CEP63: variants seen among roughly 807,000 people sequenced by gnomAD.
CEP63 encodes the protein centrosomal protein of 63 kDa.
CEP63 carries 84 observed loss-of-function variants against 89.1 expected under a neutral mutation model. The ratio of observed to expected loss-of-function variants is 0.94; its 90% confidence interval spans 0.79 to 1.13. The LOEUF is 1.13. Ranked by LOEUF, CEP63 falls within the 50% of genes most tolerant of loss-of-function variation. The probability of loss-of-function intolerance (pLI) is 0.00; values close to 1 mark genes in which losing one functional copy is unlikely to be tolerated. For missense variants in CEP63, 838 were observed against 813.3 expected (o/e 1.03, Z -0.37); for synonymous variants, 267 against 272.5 (o/e 0.98, Z 0.20).
the CEP63 span, among the ~76,000 whole-genome samples, chr3:134,673,407 T>A: frequency 1.3e-5 from 2 of 151,816 alleles, no homozygotes; most frequent in African/African-American, 2.4e-5. Context: ...CCTTTTGGCC[T>A]CTCTTCCTTC....
intron 3 of CEP63, 98 bp from the exon 4 acceptor site, chr3:134,531,747 A>G: frequency 1.1e-6 from 1 of 938,978 alleles, no homozygotes; most frequent in South Asian, 1.4e-5. Context: ...GAGAACTTGA[A>G]TTTACAAATA....
At chr3:134,642,449 G>A in the CEP63 span, among the ~76,000 whole-genome samples, 54 of 152,316 alleles carry the variant, frequency 3.5e-4, no homozygotes, top group African/African-American at 1.0e-3. Context: ...CAAGGTGGGC[G>A]TGAGAGTCTC....
chr3:134,727,925 A>G, the CEP63 span, among the ~76,000 whole-genome samples: 1 of 152,178 alleles, frequency 6.6e-6, no homozygotes, highest in Admixed American at 6.5e-5. Context: ...TTCCCTACAG[A>G]TCTAAAAAAT....
downstream of CEP63, among the ~76,000 whole-genome samples, chr3:134,587,827 A>AC (rs1438679531): frequency 6.1e-5 from 9 of 148,446 alleles, no homozygotes; most frequent in East Asian, 9.9e-4. Flanking sequence ...CTTGGAATGG[A>AC]CCCCCCTATA....
chr3:134,743,001 C>T, the CEP63 span, among the ~76,000 whole-genome samples: 1 of 152,362 alleles, frequency 6.6e-6, no homozygotes, highest in African/African-American at 2.4e-5. Context: ...GTCTCTGTCC[C>T]TCCTAGAACA....
At chr3:134,610,702 G>T in the CEP63 span, 1 of 236,766 alleles carries the variant, frequency 4.2e-6, no homozygotes, top group East Asian at 8.4e-5. Flanking sequence ...CGCTCCTCAA[G>T]CAGCTCTTCA....
At chr3:134,650,934 A>G in the CEP63 span, 5 of 1,613,308 alleles carry the variant, frequency 3.1e-6, no homozygotes, top group Non-Finnish European at 4.2e-6. Context: ...CGATAGATAC[A>G]GCGTTGATGT....
the CEP63 span, chr3:134,651,695 A>G: frequency 1.2e-6 from 1 of 855,990 alleles, no homozygotes; most frequent in Non-Finnish European, 1.4e-6. Context: ...TTGATCTGAA[A>G]CGAAAGTCTT....
chr3:134,735,366 A>G, the CEP63 span, among the ~76,000 whole-genome samples: 12 of 152,260 alleles, frequency 7.9e-5, no homozygotes, highest in South Asian at 2.5e-3. Context: ...AATGAAACTT[A>G]TCTAACACAT....
Position 134,537,228 on chromosome 3 carries a change from C to G in CEP63, c.515C>G (p.Ala172Gly). Residue 172 changes from alanine to glycine, a missense_variant, in exon 6 of 15, where the codon GCA becomes GGA. Transcript: ENST00000675561. ...IYQQQVSSLE[A>G]QRKALAEQSE... ...CAGCAACAGGTATCTTCACTGGAGG[C>G]ACAAAGGAAGGCTCTGGCTGAACAA... 1 of 1,613,436 alleles carries G rather than the reference C, an allele frequency of 6.2e-7. No individual in the cohort carries two copies. The highest frequency in any genetic ancestry group is 8.5e-7 in the Non-Finnish European group (1 of 1,179,418).
At chr3:134,592,209 C>T (rs550356212), downstream of CEP63, among the ~76,000 whole-genome samples, 6 of 152,264 alleles carry the variant, frequency 3.9e-5, no homozygotes, top group South Asian at 4.1e-4. Context: ...AGAGGCTGCT[C>T]GAGCATCTTT....
At chr3:134,724,485 C>T in the CEP63 span, among the ~76,000 whole-genome samples, 2 of 152,340 alleles carry the variant, frequency 1.3e-5, no homozygotes, top group South Asian at 4.1e-4. Context: ...TCTGCAAACT[C>T]TCTCAGCATC....
chr3:134,536,149 A>G (rs6787371), intron 5 of CEP63: 99,531 of 152,152 alleles, frequency 0.65, 33,010 homozygotes, highest in East Asian at 0.81. Context: ...AAAAATTACA[A>G]CCCCAACTGT....
the CEP63 span, among the ~76,000 whole-genome samples, chr3:134,630,654 T>A: frequency 6.6e-6 from 1 of 152,110 alleles, no homozygotes; most frequent in South Asian, 2.1e-4. Context: ...AACTGTGGGG[T>A]AGATTAAGGC....
intron 11 of CEP63, among the ~76,000 whole-genome samples, chr3:134,571,549 C>T (rs544250944): frequency 7.9e-5 from 12 of 152,172 alleles, no homozygotes; most frequent in East Asian, 1.9e-4. Context: ...GGCATGGTGG[C>T]GGGCACCTGT....
At chr3:134,698,536 A>G in the CEP63 span, among the ~76,000 whole-genome samples, 1 of 152,200 alleles carries the variant, frequency 6.6e-6, no homozygotes, top group South Asian at 2.1e-4. Flanking sequence ...ACCTGCCAAG[A>G]ATGCAGTCTC....
intron 2 of CEP63, 111 bp downstream of exon 2, chr3:134,495,475 G>T (rs923978494): frequency 4.0e-6 from 3 of 743,132 alleles, no homozygotes; most frequent in Non-Finnish European, 7.2e-6. Context: ...ATCAAATAAG[G>T]GTATTTAGTA....
At chr3:134,752,871 C>A in the CEP63 span, among the ~76,000 whole-genome samples, 1 of 152,122 alleles carries the variant, frequency 6.6e-6, no homozygotes, top group Admixed American at 6.5e-5. Flanking sequence ...TCCTCCTCCC[C>A]CTGCTTCAGC....
At chr3:134,755,837 T>A in the CEP63 span, 1 of 152,268 alleles carries the variant, frequency 6.6e-6, no homozygotes, top group Admixed American at 6.5e-5. Flanking sequence ...CCAAAAGCAA[T>A]GCTTAGGTAA....
Sources: allele counts gnomAD v4.1 joint callset (sites outside exome capture counted in the v4.1 genomes callset), GRCh38; gene constraint gnomAD v4.1.1; transcripts MANE v1.5; gene names NCBI Gene and HGNC (gene_info 2026-07-23, HGNC 2026-07-21).